Variants in STXBP5L observed in about 807,000 individuals in gnomAD.
The protein encoded by STXBP5L is syntaxin binding protein 5L.
In STXBP5L, 65 loss-of-function variants were observed where a neutral mutation model predicts 144.5. That is an observed-to-expected ratio of 0.45 (90% confidence interval 0.37 to 0.55). The LOEUF (loss-of-function observed/expected upper bound fraction) is 0.55. Among genes scored for constraint, STXBP5L ranks in the 20% least tolerant of loss-of-function variants. The probability of loss-of-function intolerance (pLI) is 0.00; values close to 1 mark genes in which losing one functional copy is unlikely to be tolerated. For missense variants in STXBP5L, 1,298 were observed against 1,405.5 expected (o/e 0.92, Z 1.22); for synonymous variants, 505 against 469.6 (o/e 1.08, Z -0.97).
chr3:121,338,177 C>G (rs1486461989), intron 20 of STXBP5L, among the ~76,000 whole-genome samples: 1 of 151,852 alleles, frequency 6.6e-6, no homozygotes, highest in African/African-American at 2.4e-5. Flanking sequence ...AAACCCAAAG[C>G]TACCAGAATA....
chr3:121,084,078 T>G (rs13314083), intron 5 of STXBP5L, among the ~76,000 whole-genome samples: 15,085 of 152,094 alleles, frequency 0.099, 1,175 homozygotes, highest in Admixed American at 0.2. Flanking sequence ...TTTTCAATTT[T>G]GTTGATTTTT....
chr3:121,385,140 T>C (rs2108688908), intron 22 of STXBP5L, among the ~76,000 whole-genome samples: 1 of 152,234 alleles, frequency 6.6e-6, no homozygotes, highest in East Asian at 1.9e-4. Context: ...GGTAGATGCT[T>C]TTTCATTGCT....
chr3:121,384,915 A>C (rs1421929403), intron 22 of STXBP5L, among the ~76,000 whole-genome samples: 4 of 152,036 alleles, frequency 2.6e-5, no homozygotes, highest in Non-Finnish European at 5.9e-5. Context: ...AACTCATTTT[A>C]AGTTTTATTT....
chr3:121,206,082 T>A (rs1397939995), intron 10 of STXBP5L, 81 bp downstream of exon 10: 1 of 798,898 alleles, frequency 1.3e-6, no homozygotes, highest in Non-Finnish European at 1.9e-6. Context: ...AAGATATTGT[T>A]TAAAGTTTTA....
Position 121,194,909 on chromosome 3 carries a change from C to CTTTTTTTTTTTT in STXBP5L, c.878-11000_878-10989dup, listed in dbSNP as rs10717806. Among the ~76,000 whole-genome samples, 16 of 68,494 alleles carry CTTTTTTTTTTTT rather than the reference C, an allele frequency of 2.3e-4. 1 individual carries two copies. The highest frequency in any genetic ancestry group is 4.6e-4 in the Admixed American group (2 of 4,348). 44.9% of individuals were successfully genotyped at this position (68,494 alleles called of 152,430 possible). ...TCTGAGATAGGTCCCTCTTTTCACT[C>CTTTTTTTTTTTT]TTTTTTTTTTTTTTTTTTTTTTTTT... On this transcript the variant is annotated intron_variant, in intron 9 of 26. Coordinates refer to ENST00000471454, the MANE Select transcript of STXBP5L (RefSeq NM_001308330.2).
intron 19 of STXBP5L, among the ~76,000 whole-genome samples, chr3:121,286,382 T>A (rs1577368115): frequency 2.0e-5 from 3 of 152,114 alleles, no homozygotes; most frequent in South Asian, 4.2e-4. Flanking sequence ...TCAGCAAAAA[T>A]TATGGTAAAC....
intron 9 of STXBP5L, among the ~76,000 whole-genome samples, chr3:121,163,568 A>G (rs894372958): frequency 2.0e-5 from 3 of 152,160 alleles, no homozygotes; most frequent in Admixed American, 2.0e-4. Context: ...CTGCACATAC[A>G]TCCCAGAGCT....
chr3:121,391,353 G>A (rs1011530766), intron 22 of STXBP5L, among the ~76,000 whole-genome samples: 7 of 152,090 alleles, frequency 4.6e-5, no homozygotes, highest in African/African-American at 1.7e-4. Flanking sequence ...GCTTGGAGAA[G>A]TTTCTTATTA....
chr3:120,966,604 C>T (rs550252190), intron 3 of STXBP5L, among the ~76,000 whole-genome samples: 1 of 152,288 alleles, frequency 6.6e-6, no homozygotes, highest in African/African-American at 2.4e-5. Context: ...CTGGGTATCA[C>T]CATTGGAGGC....
At chr3:121,168,099 T>C (rs972850117) in intron 9 of STXBP5L, among the ~76,000 whole-genome samples, 8 of 152,008 alleles carry the variant, frequency 5.3e-5, no homozygotes, top group African/African-American at 1.9e-4. Context: ...CCCTGACTCT[T>C]AGAAGGAAAA....
rs368518513 is a variant in STXBP5L at position 121,075,278 on chromosome 3, A to T, written c.470+29743A>T. On this transcript the variant is annotated intron_variant, in intron 5 of 26. Coordinates refer to ENST00000471454, the MANE Select transcript of STXBP5L (RefSeq NM_001308330.2). Reference sequence around the variant, plus strand: ...TGCATTTCACACATTGATCTTTCTCAATCCTAGGTCAGCCCCCTTGTTCTG... The same window carrying T: ...TGCATTTCACACATTGATCTTTCTCTATCCTAGGTCAGCCCCCTTGTTCTG... 1.6e-4 allele frequency among the ~76,000 whole-genome samples: 25 copies of T among 152,050 alleles called. No homozygotes were observed. The East Asian group carries it at 2.7e-3, about 17-fold the overall frequency.
intron 22 of STXBP5L, among the ~76,000 whole-genome samples, chr3:121,388,651 C>A (rs2108698524): frequency 6.6e-6 from 1 of 152,218 alleles, no homozygotes; most frequent in African/African-American, 2.4e-5. Context: ...TTGAGATAAC[C>A]ATGTGTTTTT....
chr3:121,011,124 G>A (rs1944743173), intron 3 of STXBP5L, among the ~76,000 whole-genome samples: 1 of 150,180 alleles, frequency 6.7e-6, no homozygotes, highest in Admixed American at 6.7e-5. Context: ...CGCCGAGGTA[G>A]TTACAGCATC....
At chr3:121,055,240 G>A (rs912678499) in intron 5 of STXBP5L, among the ~76,000 whole-genome samples, 10 of 152,232 alleles carry the variant, frequency 6.6e-5, no homozygotes, top group African/African-American at 2.4e-4. Flanking sequence ...ATCTATCGAA[G>A]TATGGTGAAT....
chr3:121,145,705 T>A (rs185719839), intron 7 of STXBP5L, among the ~76,000 whole-genome samples: 1 of 152,182 alleles, frequency 6.6e-6, no homozygotes, highest in Non-Finnish European at 1.5e-5. Flanking sequence ...AGAATTATGA[T>A]ACAAGTTGGG....
chr3:121,091,776 T>A (rs918467424), intron 5 of STXBP5L, among the ~76,000 whole-genome samples: 1 of 152,212 alleles, frequency 6.6e-6, no homozygotes, highest in Non-Finnish European at 1.5e-5. Flanking sequence ...GCTCTTTAGT[T>A]TAATTAGATC....
At chr3:121,332,419 A>C (rs546507901) in intron 20 of STXBP5L, among the ~76,000 whole-genome samples, 37 of 151,370 alleles carry the variant, frequency 2.4e-4, no homozygotes, top group South Asian at 8.3e-4. Context: ...AAAAAAAAAA[A>C]AAAAACCAGA....
intron 3 of STXBP5L, among the ~76,000 whole-genome samples, chr3:120,989,351 G>A (rs73187404): frequency 6.6e-5 from 10 of 151,986 alleles, no homozygotes; most frequent in African/African-American, 1.4e-4. Context: ...ATGGTATCTC[G>A]CTGTGGTTTA....
At chr3:121,004,457 C>T (rs1434346949) in intron 3 of STXBP5L, among the ~76,000 whole-genome samples, 1 of 151,662 alleles carries the variant, frequency 6.6e-6, no homozygotes, top group African/African-American at 2.4e-5. Flanking sequence ...GGGGCTGAGA[C>T]AATGGGGTTT....
Sources: allele counts gnomAD v4.1 joint callset (sites outside exome capture counted in the v4.1 genomes callset), GRCh38; gene constraint gnomAD v4.1.1; transcripts MANE v1.5; gene names NCBI Gene and HGNC (gene_info 2026-07-23, HGNC 2026-07-21).